MBTPS2: variants seen among roughly 807,000 people sequenced by gnomAD.
MBTPS2 encodes membrane bound transcription factor peptidase, site 2.
MBTPS2 carries 2 observed loss-of-function variants against 35.4 expected under a neutral mutation model. That is an observed-to-expected ratio of 0.06 (90% CI 0.02 to 0.18). The LOEUF is 0.18. Ranked by LOEUF, MBTPS2 falls within the 10% of genes least tolerant of loss-of-function variation. The pLI is 1.00. For synonymous variants in MBTPS2, 125 were observed against 140.4 expected, an observed-to-expected ratio of 0.89 and a Z score of 0.77; for missense variants, 244 against 386.5, an observed-to-expected ratio of 0.63 and a Z score of 3.09.
At chrX:21,847,604 T>G (rs1244680961) in intron 3 of MBTPS2, among the ~76,000 whole-genome samples, 1 of 112,269 alleles carries the variant, frequency 8.9e-6, no homozygotes, top group Non-Finnish European at 1.9e-5. Flanking sequence ...ATTCAAATTC[T>G]TACTTTATCT....
chrX:21,856,442 C>T (rs730678), intron 5 of MBTPS2: 164,675 of 1,164,654 alleles, frequency 0.14, 10,240 homozygotes, highest in East Asian at 0.35. Context: ...CGTTCTTTTT[C>T]CCACGGTCTT....
At chrX:21,863,831 A>G (rs2092936291) in intron 5 of MBTPS2, among the ~76,000 whole-genome samples, 1 of 112,044 alleles carries the variant, frequency 8.9e-6, no homozygotes, top group African/African-American at 3.2e-5. Flanking sequence ...ACAGCTGAAC[A>G]GCTTTGCCCT....
chrX:21,855,105 G>A (rs937021845), intron 5 of MBTPS2, among the ~76,000 whole-genome samples: 2 of 110,723 alleles, frequency 1.8e-5, no homozygotes, highest in South Asian at 3.8e-4. Flanking sequence ...AAATGATGAC[G>A]TAATTAGTAA....
At chrX:21,846,559 G>A (rs1327194486) in intron 3 of MBTPS2, among the ~76,000 whole-genome samples, 1 of 111,405 alleles carries the variant, frequency 9.0e-6, no homozygotes, top group Non-Finnish European at 1.9e-5. Context: ...TAGTAGAGAC[G>A]GGGTTTCTCC....
At chrX:21,856,569 C>A (rs761469075) in intron 5 of MBTPS2, 3 of 1,211,963 alleles carry the variant, frequency 2.5e-6, no homozygotes, top group Admixed American at 4.3e-5. Context: ...CAATGTGGAG[C>A]CCCTTCCTAT....
intron 3 of MBTPS2, among the ~76,000 whole-genome samples, chrX:21,847,547 T>C (rs940951972): frequency 1.8e-5 from 2 of 112,255 alleles, no homozygotes; most frequent in African/African-American, 6.5e-5. Flanking sequence ...GGCAATCGTG[T>C]ACTGTTGCCA....
intron 5 of MBTPS2, 52 bp from the exon 6 acceptor site, chrX:21,868,415 A>T (rs1260411671): frequency 2.6e-6 from 2 of 770,633 alleles, no homozygotes; most frequent in East Asian, 6.3e-5. Context: ...CCAGCTACTT[A>T]TATCATTCCT....
intron 2 of MBTPS2, among the ~76,000 whole-genome samples, chrX:21,843,913 G>A (rs372494729): frequency 2.7e-5 from 3 of 109,171 alleles, no homozygotes; most frequent in African/African-American, 1.0e-4. Context: ...CCAGGAGTTC[G>A]AGACCAGCCT....
intron 5 of MBTPS2, chrX:21,857,368 G>C (rs141659550): frequency 1.6e-6 from 2 of 1,212,313 alleles, no homozygotes; most frequent in African/African-American, 3.5e-5. Context: ...TTTCTTGAGA[G>C]CTCAAAGCTG....
intron 5 of MBTPS2, among the ~76,000 whole-genome samples, chrX:21,866,100 C>T (rs951937267): frequency 3.6e-5 from 4 of 111,133 alleles, no homozygotes; most frequent in East Asian, 5.6e-4. Flanking sequence ...CCACCGTGCC[C>T]GGCCCCATGA....
In MBTPS2 at chrX:21,878,979, C is replaced by T. The variant is rs773110757; in HGVS notation, c.1261+287C>T. ...TCAAATAGGTGATCTCTCAGATGTCCTCTGAGAGTTTATTAAATTTATACA... is the reference window on the plus strand; with the variant it reads ...TCAAATAGGTGATCTCTCAGATGTCTTCTGAGAGTTTATTAAATTTATACA... On this transcript the variant is annotated intron_variant, in intron 9 of 10. Coordinates refer to ENST00000379484, the MANE Select transcript of MBTPS2 (RefSeq NM_015884.4). Among the ~76,000 whole-genome samples, 125 of 110,929 alleles carry T rather than the reference C, an allele frequency of 1.1e-3. 1 individual carries two copies. The highest frequency in any genetic ancestry group is 3.6e-3 in the African/African-American group (111 of 30,495).
intron 5 of MBTPS2, among the ~76,000 whole-genome samples, chrX:21,867,193 C>CTGCTTTAG (rs2092941251): frequency 9.0e-6 from 1 of 111,607 alleles, no homozygotes; most frequent in African/African-American, 3.3e-5. Context: ...GCTTTATTGT[C>CTGCTTTAG]ACTGGAATAG....
chrX:21,865,387 T>C (rs905725909), intron 5 of MBTPS2, among the ~76,000 whole-genome samples: 1 of 111,811 alleles, frequency 8.9e-6, no homozygotes, highest in Non-Finnish European at 1.9e-5. Context: ...ACCTGCTATC[T>C]GGTTCCAAGT....
Position 21,884,009 on chromosome X carries a change from A to G in MBTPS2, c.*1354A>G. 1.3e-6 allele frequency: 1 copy of G among 753,820 alleles called. No individual in the cohort carries two copies. Among genetic ancestry groups the G allele is most frequent in the Non-Finnish European group, 1.6e-6 (1 of 638,730 alleles). The allele number at this position is 753,820 out of a possible 1,213,427, so 62.1% of individuals were successfully genotyped here. The stretch of plus-strand genomic sequence containing the variant: ...TAAGGGCAATAACTCATTAATAGCC[A>G]TCTATCCAACTTCTTTACTGAGTGA... On this transcript the variant is annotated 3_prime_UTR_variant, in exon 11 of 11. Coordinates refer to ENST00000379484, the MANE Select transcript of MBTPS2 (RefSeq NM_015884.4).
In MBTPS2 at chrX:21,842,675, C is replaced by T. The variant is rs559231478; in HGVS notation, c.76-495C>T. 9.0e-5 allele frequency among the ~76,000 whole-genome samples: 10 copies of T among 111,252 alleles called. No individual in the cohort carries two copies. The South Asian group carries it at 1.5e-3, about 17-fold the overall frequency. On this transcript the variant is annotated intron_variant, in intron 1 of 10. Coordinates refer to ENST00000379484, the MANE Select transcript of MBTPS2 (RefSeq NM_015884.4). ...TTGGATATTTTGGGGCATAAGTATA[C>T]GAAAATTAATATTTAAAATTTGGCT... is the stretch of plus-strand genomic sequence containing the variant.
intron 7 of MBTPS2, among the ~76,000 whole-genome samples, chrX:21,875,896 C>T (rs748879002): frequency 3.0e-4 from 34 of 112,038 alleles, no homozygotes; most frequent in Non-Finnish European, 5.6e-5. Flanking sequence ...GGACATGGAC[C>T]TCAGCACCAT....
intron 7 of MBTPS2, chrX:21,872,104 G>A (rs1265599226): frequency 9.0e-6 from 1 of 111,359 alleles, no homozygotes; most frequent in East Asian, 2.8e-4. Context: ...GATGACAGAA[G>A]ATTAATATGT....
chrX:21,857,051 C>T, intron 5 of MBTPS2: 1 of 1,211,636 alleles, frequency 8.3e-7, no homozygotes, highest in Non-Finnish European at 1.1e-6. Context: ...CTATGTGGTC[C>T]CCTAACGATA....
At chrX:21,878,762 C>T in intron 9 of MBTPS2, 70 bp downstream of exon 9, 1 of 685,958 alleles carries the variant, frequency 1.5e-6, no homozygotes, top group African/African-American at 2.1e-5. Flanking sequence ...TAGAGACTCA[C>T]TACAAATCCT....
Sources: gnomAD v4.1 joint callset for allele counts (sites outside exome capture counted in the v4.1 genomes callset) on GRCh38, gnomAD v4.1.1 for gene constraint, MANE v1.5 for transcripts, NCBI Gene and HGNC (gene_info 2026-07-23, HGNC 2026-07-21) for gene names.